The following LRP2 variants were observed in gnomAD, a reference collection of about 807,000 sequenced individuals.
The protein encoded by LRP2 is low-density lipoprotein receptor-related protein 2.
Under a neutral mutation model 531.0 loss-of-function variants are expected in LRP2, and 172 were observed. The observed-to-expected ratio is 0.32, with a 90% CI of 0.29 to 0.37. The LOEUF (loss-of-function observed/expected upper bound fraction) is 0.37, where lower values mean the gene tolerates loss of function less well. Among genes scored for constraint, LRP2 ranks in the 10% least tolerant of loss-of-function variants. The pLI is 1.00. For synonymous variants in LRP2, 1,992 were observed against 2,027.6 expected, an observed-to-expected ratio of 0.98 and a Z score of 0.47; for missense variants, 5,167 against 5,868.3, an observed-to-expected ratio of 0.88 and a Z score of 3.90.
intron 76 of LRP2, among the ~76,000 whole-genome samples, chr2:169,135,984 G>A (rs867892292): frequency 6.6e-6 from 1 of 152,134 alleles, no homozygotes; most frequent in African/African-American, 2.4e-5. Context: ...CCCTCTTAAA[G>A]TAAATAAATA....
chr2:169,171,271 A>G (rs1195265178), intron 58 of LRP2, among the ~76,000 whole-genome samples: 2 of 152,146 alleles, frequency 1.3e-5, no homozygotes, highest in Non-Finnish European at 2.9e-5. Context: ...CAAAAGGTAA[A>G]CAAAGTTAGA....
Position 169,188,383 on chromosome 2 carries a change from AAGATCACC to A in LRP2, c.9033-126_9033-119del, listed in dbSNP as rs1209264150. The A allele has an allele frequency of 4.2e-6, 4 of 945,576 alleles. No individual in the cohort carries two copies. In the African/African-American group the frequency reaches 6.5e-5, roughly 15 times the overall value. 58.6% of individuals were successfully genotyped at this position (945,576 alleles called of 1,614,324 possible). ...TAAATGCCAGGTCAACCATTTCGAC[AAGATCACC>A]AGTGTCCTTGATCCCCTTTCCCCCA... On this transcript the variant is annotated intron_variant, in intron 48 of 78. Transcript: ENST00000649046.
intron 4 of LRP2, among the ~76,000 whole-genome samples, chr2:169,305,696 C>T (rs1684396746): frequency 2.0e-5 from 3 of 152,226 alleles, no homozygotes; most frequent in African/African-American, 7.2e-5. Flanking sequence ...AATTTAAGAG[C>T]AAACAAAAGG....
chr2:169,233,595 G>C lies in LRP2; in HGVS notation c.4921-7C>G, dbSNP rs770283321. 1 of 1,613,974 alleles carries C rather than the reference G, an allele frequency of 6.2e-7. No homozygotes were observed. The highest frequency in any genetic ancestry group is 1.1e-5 in the South Asian group (1 of 91,076). On this transcript the variant is annotated splice_region_variant and splice_polypyrimidine_tract_variant and intron_variant, in intron 29 of 78. Transcript: ENST00000649046. The stretch of plus-strand genomic sequence containing the variant: ...CATAGGGGTGCCGTATAATCTGTGA[G>C]GCAGAAGAGAACAGTGAGACCTCAT...
At chr2:169,294,762 A>T (rs1684093968) in intron 4 of LRP2, 52 bp from the exon 5 acceptor site, 1 of 1,215,450 alleles carries the variant, frequency 8.2e-7, no homozygotes, top group Non-Finnish European at 1.2e-6. Context: ...CAGTAAACAA[A>T]CCTTAAATTT....
rs1475121056 is a variant in LRP2, at chr2:169,182,579, G to A, written c.9846-260C>T. On this transcript the variant is annotated intron_variant, in intron 50 of 78. Transcript: ENST00000649046. ...ATACGGGGGACACACTTCATTCGAC[G>A]GGTCTGGTTTTACTTTCCTCATGCA... 6.7e-6 allele frequency: 9 copies of A among 1,335,996 alleles called. No homozygotes were observed. In the East Asian group the frequency reaches 1.4e-4, roughly 20 times the overall value. The allele number at this position is 1,335,996 out of a possible 1,614,324, so 82.8% of individuals were successfully genotyped here. A position where few individuals can be genotyped will look rare whatever the true frequency, so the allele number is the denominator to read the frequency against.
chr2:169,243,133 G>T, intron 23 of LRP2, 61 bp from the exon 24 acceptor site: 1 of 1,363,700 alleles, frequency 7.3e-7, no homozygotes, highest in Non-Finnish European at 1.0e-6. Flanking sequence ...TAAACACTGA[G>T]ATTTTTCTTT....
chr2:169,323,605 C>A (rs1414888682), intron 1 of LRP2, among the ~76,000 whole-genome samples: 2 of 148,920 alleles, frequency 1.3e-5, no homozygotes, highest in Admixed American at 6.7e-5. Flanking sequence ...ATATTATCTA[C>A]ATTTTGTTAT....
Position 169,320,793 on chromosome 2 carries a change from C to G in LRP2, c.171G>C (p.Ala57=), listed in dbSNP as rs1275732341. The G allele has an allele frequency of 1.2e-6, 2 of 1,614,004 alleles. No homozygotes were observed. The highest frequency in any genetic ancestry group is 1.7e-6 in the Non-Finnish European group (2 of 1,179,932). ...CTCACTTACCGCAGCCAATTTCATC[C>G]GCGTCATCTGAACAGTCTTTGGTCC... ...CDGTKDCSDD[A]DEIGCAVVTC... The change falls in exon 2 of 79, where the codon GCG becomes GCC. Residue 57 remains alanine, a synonymous_variant. Coordinates refer to ENST00000649046, the MANE Select transcript of LRP2 (RefSeq NM_004525.3).
chr2:169,286,748 C>G (rs1468550869), intron 9 of LRP2, among the ~76,000 whole-genome samples: 4 of 152,164 alleles, frequency 2.6e-5, no homozygotes, highest in Admixed American at 6.5e-5. Flanking sequence ...TCTGAAAGAA[C>G]AAATCACTTT....
intron 50 of LRP2, among the ~76,000 whole-genome samples, chr2:169,183,349 C>A (rs1687509717): frequency 6.6e-6 from 1 of 152,086 alleles, no homozygotes; most frequent in Non-Finnish European, 1.5e-5. Flanking sequence ...ATGAGTAAAT[C>A]CTGATGAATG....
chr2:169,290,487 T>G (rs1332016897), intron 8 of LRP2, among the ~76,000 whole-genome samples: 2 of 152,128 alleles, frequency 1.3e-5, no homozygotes, highest in African/African-American at 2.4e-5. Flanking sequence ...CCATCCACTC[T>G]GGGTTTGGCC....
rs2075248 is a variant in LRP2 at position 169,193,962 on chromosome 2, T to C, written c.8699-70A>G. On this transcript the variant is annotated intron_variant, in intron 46 of 78. Transcript: ENST00000649046. ...GTCCAGGAATCTGGAGACAAGCTGG[T>C]TGTAGCATGGGTTGTCTAGAAAACC... is the stretch of plus-strand genomic sequence containing the variant. 0.37 allele frequency: 586,511 copies of C among 1,571,312 alleles called. 119,675 individuals are homozygous for C. The highest frequency in any genetic ancestry group is 0.82 in the African/African-American group (60,498 of 74,216).
intron 31 of LRP2, among the ~76,000 whole-genome samples, chr2:169,230,196 T>C (rs1194780249): frequency 6.6e-6 from 1 of 152,244 alleles, no homozygotes; most frequent in Non-Finnish European, 1.5e-5. Context: ...AGTCTTTGTG[T>C]GCTGAAAGAA....
At chr2:169,130,108 G>C (rs1229095792) in intron 77 of LRP2, among the ~76,000 whole-genome samples, 1 of 152,178 alleles carries the variant, frequency 6.6e-6, no homozygotes, top group Non-Finnish European at 1.5e-5. Flanking sequence ...CCTGCCTCTG[G>C]GCGCTTACAG....
chr2:169,234,049 G>C (rs1248031874), intron 29 of LRP2, among the ~76,000 whole-genome samples: 2 of 152,118 alleles, frequency 1.3e-5, no homozygotes, highest in Non-Finnish European at 2.9e-5. Context: ...ACATCAATCT[G>C]TTATAGTTTA....
intron 35 of LRP2, 59 bp downstream of exon 35, chr2:169,216,194 C>T (rs1688780829): frequency 1.3e-6 from 2 of 1,570,430 alleles, no homozygotes; most frequent in Admixed American, 1.7e-5. Flanking sequence ...GCTCAGAACA[C>T]TCAGCATCAG....
chr2:169,135,498 G>A (rs917897340), intron 76 of LRP2, among the ~76,000 whole-genome samples: 4 of 152,180 alleles, frequency 2.6e-5, no homozygotes, highest in African/African-American at 7.2e-5. Flanking sequence ...ACAGTGGACC[G>A]GCCTTTACTT....
At chr2:169,140,629 G>A in intron 71 of LRP2, 84 bp from the exon 72 acceptor site, 1 of 1,011,754 alleles carries the variant, frequency 9.9e-7, no homozygotes, top group Non-Finnish European at 1.6e-6. Context: ...CAGGTTAGGG[G>A]TGGGAGGAGG....
Sources: gnomAD v4.1 joint callset for allele counts (sites outside exome capture counted in the v4.1 genomes callset) on GRCh38, gnomAD v4.1.1 for gene constraint, MANE v1.5 for transcripts, NCBI Gene and HGNC (gene_info 2026-07-23, HGNC 2026-07-21) for gene names.